Variants in CSNK1G3 observed in about 807,000 individuals in gnomAD.
CSNK1G3 encodes casein kinase 1 gamma 3.
A neutral mutation model predicts 64.3 loss-of-function variants in CSNK1G3; 23 were observed. The ratio of observed to expected loss-of-function variants is 0.36; its 90% CI spans 0.26 to 0.51. The LOEUF is 0.51. CSNK1G3 is among the 20% of genes least tolerant of loss of function. CSNK1G3 has a pLI of 0.96. For missense variants in CSNK1G3, 357 were observed against 510.5 expected (o/e 0.70, Z 2.90); for synonymous variants, 158 against 162.2 (o/e 0.97, Z 0.20).
intron 9 of CSNK1G3, among the ~76,000 whole-genome samples, chr5:123,590,909 T>A (rs1281037351): frequency 1.3e-5 from 2 of 152,070 alleles, no homozygotes; most frequent in African/African-American, 4.8e-5. Flanking sequence ...CAAGTCAAAA[T>A]ATTGGAAATA....
chr5:123,560,802 G>T (rs1019303036), intron 4 of CSNK1G3, among the ~76,000 whole-genome samples: 3 of 152,182 alleles, frequency 2.0e-5, no homozygotes, highest in East Asian at 1.9e-4. Flanking sequence ...TGTTTTCTGG[G>T]GGCTTGGGGA....
At chr5:123,602,589 A>G (rs149921739) in intron 10 of CSNK1G3, among the ~76,000 whole-genome samples, 2 of 152,276 alleles carry the variant, frequency 1.3e-5, no homozygotes, top group South Asian at 2.1e-4. Context: ...AGGGGCATCA[A>G]AGAGAATTCT....
intron 12 of CSNK1G3, among the ~76,000 whole-genome samples, chr5:123,606,514 T>G (rs1246683903): frequency 6.6e-6 from 1 of 152,146 alleles, no homozygotes; most frequent in Non-Finnish European, 1.5e-5. Context: ...TTCTGTAAAA[T>G]GAAGCTAATA....
intron 4 of CSNK1G3, among the ~76,000 whole-genome samples, chr5:123,563,212 G>C (rs1247893467): frequency 6.6e-6 from 1 of 151,814 alleles, no homozygotes; most frequent in Non-Finnish European, 1.5e-5. Context: ...GCAAATCTCT[G>C]ACTATAGAGA....
At chr5:123,543,706 TCA>T (rs1324431942) in intron 1 of CSNK1G3, among the ~76,000 whole-genome samples, 5 of 152,154 alleles carry the variant, frequency 3.3e-5, no homozygotes, top group Admixed American at 6.6e-5. Flanking sequence ...TTCTAAGGGA[TCA>T]CAGTCTGTGC....
chr5:123,607,968 T>C (rs1051949015), intron 12 of CSNK1G3, among the ~76,000 whole-genome samples: 11 of 152,258 alleles, frequency 7.2e-5, no homozygotes, highest in African/African-American at 2.6e-4. Flanking sequence ...ATGATTTTTT[T>C]TCTTTTTTAA....
intron 10 of CSNK1G3, among the ~76,000 whole-genome samples, chr5:123,592,085 A>T (rs1158507635): frequency 1.3e-5 from 2 of 152,146 alleles, no homozygotes; most frequent in African/African-American, 4.8e-5. Context: ...AAGCTATATT[A>T]CATGAAACAC....
chr5:123,607,727 ATATCT>A (rs1420853493), intron 12 of CSNK1G3, among the ~76,000 whole-genome samples: 1 of 152,200 alleles, frequency 6.6e-6, no homozygotes, highest in Non-Finnish European at 1.5e-5. Context: ...AACGTGAAAA[ATATCT>A]TAATAAAATG....
At chr5:123,614,008 T>C (rs1311077936) in intron 12 of CSNK1G3, among the ~76,000 whole-genome samples, 1 of 152,244 alleles carries the variant, frequency 6.6e-6, no homozygotes, top group Non-Finnish European at 1.5e-5. Flanking sequence ...ATTGCCTTCC[T>C]AATGGCTTCA....
chr5:123,581,881 C>CTT (rs1581258502), intron 6 of CSNK1G3, among the ~76,000 whole-genome samples: 1 of 151,602 alleles, frequency 6.6e-6, no homozygotes. Flanking sequence ...CTTTTTTTTA[C>CTT]TTATAAGAAA....
At chr5:123,585,345 G>GATT (rs1449228064) in intron 6 of CSNK1G3, among the ~76,000 whole-genome samples, 1 of 151,790 alleles carries the variant, frequency 6.6e-6, no homozygotes, top group African/African-American at 2.4e-5. Flanking sequence ...TTTAAATGTA[G>GATT]GAACCATAAC....
At chr5:123,582,736 C>T (rs1337138788) in intron 6 of CSNK1G3, among the ~76,000 whole-genome samples, 1 of 152,028 alleles carries the variant, frequency 6.6e-6, no homozygotes, top group Non-Finnish European at 1.5e-5. Context: ...TGTGAACAGG[C>T]TTTAATAGGG....
intron 1 of CSNK1G3, among the ~76,000 whole-genome samples, chr5:123,513,173 C>G (rs1036905393): frequency 6.6e-6 from 1 of 152,098 alleles, no homozygotes; most frequent in African/African-American, 2.4e-5. Flanking sequence ...AGACATTAGT[C>G]AAAGGTTAGC....
chr5:123,530,783 G>T (rs189972198), intron 1 of CSNK1G3, among the ~76,000 whole-genome samples: 26 of 152,226 alleles, frequency 1.7e-4, no homozygotes, highest in Non-Finnish European at 2.6e-4. Flanking sequence ...AAATCTTTCT[G>T]GGATAAAAAA....
chr5:123,578,849 C>G (rs1244967028), intron 6 of CSNK1G3, among the ~76,000 whole-genome samples: 1 of 151,782 alleles, frequency 6.6e-6, no homozygotes, highest in South Asian at 2.1e-4. Context: ...TATTGAATTA[C>G]CTTAGTGTGT....
intron 12 of CSNK1G3, among the ~76,000 whole-genome samples, chr5:123,608,117 A>G (rs750427660): frequency 1.1e-4 from 16 of 152,004 alleles, no homozygotes; most frequent in Admixed American, 3.3e-4. Context: ...TGCATCTTAT[A>G]CTTCTCTTCT....
chr5:123,609,127 A>T (rs1561631627), intron 12 of CSNK1G3, among the ~76,000 whole-genome samples: 1 of 152,158 alleles, frequency 6.6e-6, no homozygotes, highest in African/African-American at 2.4e-5. Context: ...CGTTAATGAA[A>T]ACTGAGATAG....
At chr5:123,589,290 C>T (rs1791911678) in intron 8 of CSNK1G3, among the ~76,000 whole-genome samples, 1 of 152,052 alleles carries the variant, frequency 6.6e-6, no homozygotes, top group African/African-American at 2.4e-5. Context: ...TTATATTATT[C>T]ATTGACAGCA....
At chr5:123,580,607 A>G (rs1790060888) in intron 6 of CSNK1G3, among the ~76,000 whole-genome samples, 2 of 151,860 alleles carry the variant, frequency 1.3e-5, no homozygotes, top group African/African-American at 2.4e-5. Flanking sequence ...TTTAGTGTTG[A>G]CATATTGAAT....
Sources: gnomAD v4.1 joint callset for allele counts (sites outside exome capture counted in the v4.1 genomes callset) on GRCh38, gnomAD v4.1.1 for gene constraint, MANE v1.5 for transcripts, NCBI Gene and HGNC (gene_info 2026-07-23, HGNC 2026-07-21) for gene names.